Variants in SLC35F3 observed in about 807,000 individuals in gnomAD.
The protein encoded by SLC35F3 is putative thiamine transporter SLC35F3.
SLC35F3 carries 25 observed loss-of-function variants against 49.9 expected under a neutral mutation model. The ratio of observed to expected loss-of-function variants is 0.50; its 90% confidence interval spans 0.37 to 0.70. The LOEUF (loss-of-function observed/expected upper bound fraction) is 0.70. SLC35F3 is among the 30% of genes least tolerant of loss of function. The pLI is 0.00. For missense variants in SLC35F3, 525 were observed against 639.8 expected (o/e 0.82, Z 1.94); for synonymous variants, 275 against 265.4 (o/e 1.04, Z -0.35).
At chr1:234,081,641 G>A (rs1572044583) in intron 2 of SLC35F3, among the ~76,000 whole-genome samples, 1 of 152,172 alleles carries the variant, frequency 6.6e-6, no homozygotes, top group African/African-American at 2.4e-5. Context: ...CCTTTAACCA[G>A]GGCTTCTGTC....
At chr1:234,249,294 C>G (rs1450586140) in intron 3 of SLC35F3, among the ~76,000 whole-genome samples, 1 of 152,192 alleles carries the variant, frequency 6.6e-6, no homozygotes, top group African/African-American at 2.4e-5. Context: ...ACATATCTAG[C>G]TTCTTTCACA....
intron 2 of SLC35F3, among the ~76,000 whole-genome samples, chr1:234,227,961 A>C (rs1455880636): frequency 6.6e-6 from 1 of 152,186 alleles, no homozygotes; most frequent in African/African-American, 2.4e-5. Context: ...CAATAGTAGA[A>C]AATAAATGCA....
At position 234,214,305 on chromosome 1, in the gene SLC35F3, C is replaced by T; in HGVS notation, c.284-17112C>T. 2 of 1,294,724 alleles carry T rather than the reference C, an allele frequency of 1.5e-6. No individual in the cohort carries two copies. Among genetic ancestry groups the T allele is most frequent in the Non-Finnish European group, 9.8e-7 (1 of 1,024,882 alleles). The allele number at this position is 1,294,724 out of a possible 1,614,324, so 80.2% of individuals were successfully genotyped here. A position where few individuals can be genotyped will look rare whatever the true frequency, so the allele number is the denominator to read the frequency against. ...GCCGGGGAGGATGTGCGCTGCAGGG[C>T]GGCCGCCGCAGTGAGCAACGCGGCA... On this transcript the variant is annotated intron_variant, in intron 2 of 7. Transcript: ENST00000366618. The surrounding 1 kb of genome is among the most constrained non-coding windows in gnomAD (Gnocchi z 8.0).
chr1:234,025,184 G>T (rs1334507154), intron 2 of SLC35F3, among the ~76,000 whole-genome samples: 7 of 152,250 alleles, frequency 4.6e-5, no homozygotes, highest in Non-Finnish European at 1.5e-5. Context: ...ACTCCATGGT[G>T]TGTATGTACC....
intron 2 of SLC35F3, among the ~76,000 whole-genome samples, chr1:233,974,956 G>A (rs1183913662): frequency 6.6e-6 from 1 of 152,240 alleles, no homozygotes; most frequent in Non-Finnish European, 1.5e-5. Context: ...AGCTCAGAAA[G>A]GCTTAGAGAG....
intron 2 of SLC35F3, among the ~76,000 whole-genome samples, chr1:234,034,072 G>A (rs1558210900): frequency 6.6e-6 from 1 of 152,068 alleles, no homozygotes; most frequent in East Asian, 1.9e-4. Context: ...ATCTTTCACC[G>A]CCTTGGTTAG....
At chr1:234,159,910 G>T (rs1382111768) in intron 2 of SLC35F3, among the ~76,000 whole-genome samples, 1 of 152,138 alleles carries the variant, frequency 6.6e-6, no homozygotes, top group South Asian at 2.1e-4. Context: ...CTAATTTCTC[G>T]TAAGATTTTA....
At chr1:234,250,035 T>G (rs527759033) in intron 3 of SLC35F3, among the ~76,000 whole-genome samples, 16 of 152,318 alleles carry the variant, frequency 1.1e-4, no homozygotes, top group Admixed American at 9.8e-4. Flanking sequence ...GGAAAAAAGC[T>G]AGAAATATAT....
chr1:234,214,100 G>T lies in SLC35F3; in HGVS notation c.284-17317G>T. The T allele has an allele frequency of 1.1e-6, 1 of 931,352 alleles. No individual in the cohort carries two copies. The highest frequency in any genetic ancestry group is 4.9e-5 in the South Asian group (1 of 20,262). 57.7% of individuals were successfully genotyped at this position (931,352 alleles called of 1,614,324 possible). A position where few individuals can be genotyped will look rare whatever the true frequency, so the allele number is the denominator to read the frequency against. On this transcript the variant is annotated intron_variant, in intron 2 of 7. Coordinates refer to ENST00000366618, the MANE Select transcript of SLC35F3 (RefSeq NM_173508.4). The surrounding 1 kb of genome is among the most constrained non-coding windows in gnomAD (Gnocchi z 8.0). ...AGAGAGGTGGTGGCCAGAGGCTGCA[G>T]TCAGGACCTGGCTGGGAGGAAGACA...
chr1:234,141,690 A>G (rs1665915810), intron 2 of SLC35F3, among the ~76,000 whole-genome samples: 1 of 152,180 alleles, frequency 6.6e-6, no homozygotes, highest in African/African-American at 2.4e-5. Flanking sequence ...TTATCTTTGG[A>G]GAACTCGCTT....
intron 2 of SLC35F3, among the ~76,000 whole-genome samples, chr1:234,090,143 C>T (rs765838880): frequency 5.3e-5 from 8 of 152,266 alleles, no homozygotes. Context: ...GTTGGTGGCT[C>T]TCAGCCCTCA....
intron 2 of SLC35F3, among the ~76,000 whole-genome samples, chr1:234,148,999 T>C (rs1328524895): frequency 2.0e-5 from 3 of 152,176 alleles, no homozygotes; most frequent in East Asian, 3.8e-4. Flanking sequence ...ATTTAGTATA[T>C]GTGAAGTTTA....
rs1011140552 is a variant in SLC35F3, at chr1:234,032,508, C to T, written c.283+126750C>T. Among the ~76,000 whole-genome samples the T allele has an allele frequency of 9.0e-4, 137 of 152,246 alleles. 1 individual carries two copies. Among genetic ancestry groups the T allele is most frequent in the African/African-American group, 3.1e-3 (129 of 41,524 alleles). ...AGAGTACAGTTTTATTCCTCACCTC[C>T]CTTCCACACTTCCCCCCGATCCCCA... On this transcript the variant is annotated intron_variant, in intron 2 of 7. Transcript: ENST00000366618.
At chr1:234,173,897 A>C (rs1666437973) in intron 2 of SLC35F3, among the ~76,000 whole-genome samples, 1 of 152,182 alleles carries the variant, frequency 6.6e-6, no homozygotes, top group Non-Finnish European at 1.5e-5. Context: ...TCTGAAAGTG[A>C]GAAGGTGGGC....
At chr1:234,009,772 C>T (rs78546116) in intron 2 of SLC35F3, among the ~76,000 whole-genome samples, 2,240 of 152,296 alleles carry the variant, frequency 0.015, 51 homozygotes, top group African/African-American at 0.051. Flanking sequence ...TTATCACCTA[C>T]AAGTGAATCC....
At chr1:234,227,134 G>C (rs1399750363) in intron 2 of SLC35F3, among the ~76,000 whole-genome samples, 1 of 152,182 alleles carries the variant, frequency 6.6e-6, no homozygotes, top group Non-Finnish European at 1.5e-5. Flanking sequence ...GCGTCTGTCA[G>C]CACGAGCATT....
chr1:234,093,478 CTG>C (rs1179831924), intron 2 of SLC35F3, among the ~76,000 whole-genome samples: 1 of 152,254 alleles, frequency 6.6e-6, no homozygotes, highest in Non-Finnish European at 1.5e-5. Flanking sequence ...GCCCTGCTCT[CTG>C]TTTACTATCA....
chr1:234,001,997 A>C (rs990335058), intron 2 of SLC35F3, among the ~76,000 whole-genome samples: 1 of 152,200 alleles, frequency 6.6e-6, no homozygotes, highest in Admixed American at 6.5e-5. Context: ...GCTGAAAAGC[A>C]CTCACTGACT....
At chr1:234,157,685 GTT>G (rs1376714047) in intron 2 of SLC35F3, among the ~76,000 whole-genome samples, 2 of 152,092 alleles carry the variant, frequency 1.3e-5, no homozygotes, top group East Asian at 3.9e-4. Flanking sequence ...TGTACTCTGG[GTT>G]TTTGAATCAT....
Sources: allele counts gnomAD v4.1 joint callset (sites outside exome capture counted in the v4.1 genomes callset), GRCh38; gene constraint gnomAD v4.1.1; non-coding constraint Gnocchi (gnomAD v3.1); transcripts MANE v1.5; gene names NCBI Gene and HGNC (gene_info 2026-07-23, HGNC 2026-07-21).